Variants in AGK observed in about 807,000 individuals in gnomAD.
AGK encodes acylglycerol kinase, mitochondrial.
AGK carries 52 observed loss-of-function variants against 66.4 expected under a neutral mutation model. The observed-to-expected ratio is 0.78, with a 90% CI of 0.63 to 0.99. The LOEUF (loss-of-function observed/expected upper bound fraction) is 0.99. AGK is among the 50% of genes least tolerant of loss of function. The probability of loss-of-function intolerance (pLI) is 0.00; values close to 1 mark genes in which losing one functional copy is unlikely to be tolerated. For synonymous variants in AGK, 182 were observed against 181.1 expected, an observed-to-expected ratio of 1.00 and a Z score of -0.04; for missense variants, 451 against 506.6, an observed-to-expected ratio of 0.89 and a Z score of 1.05.
chr7:141,572,898 A>C (rs937078079), intron 2 of AGK, among the ~76,000 whole-genome samples: 1 of 152,170 alleles, frequency 6.6e-6, no homozygotes, highest in African/African-American at 2.4e-5. Flanking sequence ...TTATGGTTTC[A>C]ATAATGGTTT....
intron 6 of AGK, among the ~76,000 whole-genome samples, chr7:141,611,660 A>G (rs912110666): frequency 2.6e-5 from 4 of 152,230 alleles, no homozygotes; most frequent in Admixed American, 6.5e-5. Flanking sequence ...TTATAAAATA[A>G]ACAGATATTC....
Position 141,611,240 on chromosome 7 carries a change from A to G in AGK, c.343A>G (p.Asn115Asp). Residue 115 changes from asparagine (N) to aspartate (D), a missense_variant, in exon 6 of 16, where the codon AAC becomes GAC. Physicochemically the swap from Asn to Asp is conservative, Grantham distance 23. Transcript: ENST00000649286. ...QAKKLLELME[N>D]TDVIIVAGGD... ...CAAGAAACTCCTGGAACTGATGGAA[A>G]ACACGGATGTGATCATTGTTGCAGG... 1.2e-6 allele frequency: 2 copies of G among 1,613,636 alleles called. No homozygotes were observed. The highest frequency in any genetic ancestry group is 2.2e-5 in the South Asian group (2 of 91,022).
chr7:141,613,754 A>G (rs1400190972), intron 6 of AGK, among the ~76,000 whole-genome samples: 1 of 152,226 alleles, frequency 6.6e-6, no homozygotes, highest in Non-Finnish European at 1.5e-5. Context: ...CGATTTGTTA[A>G]GTGCACACTC....
chr7:141,588,708 C>T (rs1441318571), intron 2 of AGK, among the ~76,000 whole-genome samples: 1 of 151,936 alleles, frequency 6.6e-6, no homozygotes, highest in African/African-American at 2.4e-5. Context: ...ATTCTTGTTA[C>T]TTCTTGATTA....
At chr7:141,615,783 G>A in intron 8 of AGK, 1 of 533,108 alleles carries the variant, frequency 1.9e-6, no homozygotes, top group Non-Finnish European at 3.4e-6. Flanking sequence ...GTAGGGAGGT[G>A]AATACTTGAT....
chr7:141,593,132 G>A lies in AGK; in HGVS notation c.102-14G>A. The A allele has an allele frequency of 6.2e-7, 1 of 1,608,554 alleles. No individual in the cohort carries two copies. The highest frequency in any genetic ancestry group is 8.5e-7 in the Non-Finnish European group (1 of 1,177,154). ...TTAAAGCTAATGATTATTCTCTTTT[G>A]CTTACTTTGATAGTGATAACCTCCT... On this transcript the variant is annotated splice_polypyrimidine_tract_variant and intron_variant, in intron 2 of 15. Coordinates refer to ENST00000649286, the MANE Select transcript of AGK (RefSeq NM_018238.4).
chr7:141,653,853 G>T lies in AGK; in HGVS notation c.*929G>T, dbSNP rs1298601953. On this transcript the variant is annotated 3_prime_UTR_variant, in exon 16 of 16. Transcript: ENST00000649286. ...TAGTTGACAAAGTATGTATTTGCTG[G>T]TGTCGTGTAAATATTGGTATTTTAA... 3 of 152,114 alleles carry T rather than the reference G, an allele frequency of 2.0e-5. No homozygotes were observed. In the South Asian group the frequency reaches 6.2e-4, roughly 32 times the overall value. The allele number at this position is 152,114 out of a possible 1,614,324, so 9.4% of individuals were successfully genotyped here. A position where few individuals can be genotyped will look rare whatever the true frequency, so the allele number is the denominator to read the frequency against.
At chr7:141,579,011 G>A (rs201945837) in intron 2 of AGK, among the ~76,000 whole-genome samples, 419 of 129,678 alleles carry the variant, frequency 3.2e-3, no homozygotes, top group Admixed American at 4.0e-3. Flanking sequence ...TTTATGAGTA[G>A]TTGAGAATGG....
intron 2 of AGK, among the ~76,000 whole-genome samples, chr7:141,581,259 C>A (rs923105107): frequency 6.6e-6 from 1 of 151,626 alleles, no homozygotes; most frequent in Non-Finnish European, 1.5e-5. Context: ...CAAGTGAAAG[C>A]AAAGAGAGGC....
rs368066785 is a variant in AGK at position 141,555,602 on chromosome 7, C to T, written c.101+35C>T. On this transcript the variant is annotated intron_variant, in intron 2 of 15. Transcript: ENST00000649286. The surrounding 1 kb of genome is among the most constrained non-coding windows in gnomAD (Gnocchi z 4.2). ...TGACAGCCCCATCCCACCTTTGCATCTGCAGCAAAACAGCCCCAAAGGGCC... is the reference window on the plus strand; with the variant it reads ...TGACAGCCCCATCCCACCTTTGCATTTGCAGCAAAACAGCCCCAAAGGGCC... The T allele has an allele frequency of 3.0e-4, 466 of 1,533,522 alleles. 1 individual carries two copies. Among genetic ancestry groups the T allele is most frequent in the Non-Finnish European group, 3.7e-4 (407 of 1,112,008 alleles). 95.0% of individuals were successfully genotyped at this position (1,533,522 alleles called of 1,614,324 possible). A position where few individuals can be genotyped will look rare whatever the true frequency, so the allele number is the denominator to read the frequency against.
At chr7:141,608,293 A>G (rs1796506801) in intron 5 of AGK, among the ~76,000 whole-genome samples, 1 of 152,188 alleles carries the variant, frequency 6.6e-6, no homozygotes, top group Non-Finnish European at 1.5e-5. Context: ...TTTACTGCAG[A>G]TGGTCAAGGA....
At chr7:141,607,462 T>C (rs1208283854) in intron 5 of AGK, among the ~76,000 whole-genome samples, 1 of 152,208 alleles carries the variant, frequency 6.6e-6, no homozygotes, top group Non-Finnish European at 1.5e-5. Context: ...GAGGTGTCTG[T>C]TCAGATCTTT....
At chr7:141,642,625 A>C (rs1404794718) in intron 13 of AGK, among the ~76,000 whole-genome samples, 1 of 152,222 alleles carries the variant, frequency 6.6e-6, no homozygotes, top group Non-Finnish European at 1.5e-5. Flanking sequence ...GGCATTGGCA[A>C]ACTGGTCTGC....
chr7:141,568,865 C>T (rs1795527964), intron 2 of AGK, among the ~76,000 whole-genome samples: 1 of 152,124 alleles, frequency 6.6e-6, no homozygotes, highest in African/African-American at 2.4e-5. Flanking sequence ...CATGAGCCAC[C>T]ACGCCTGGCA....
rs530640103 is a variant in AGK, at chr7:141,653,197, A to G, written c.*273A>G. ...TCAGGCTGGTTCAAGACGGAAAAGG[A>G]CTTTCTTCTGTTTTCTTCCAAAGTG... On this transcript the variant is annotated 3_prime_UTR_variant, in exon 16 of 16. Transcript: ENST00000649286. 66 of 373,312 alleles carry G rather than the reference A, an allele frequency of 1.8e-4. 1 individual carries two copies. The South Asian group carries it at 2.2e-3, about 13-fold the overall frequency. 23.1% of individuals were successfully genotyped at this position (373,312 alleles called of 1,614,324 possible). A position where few individuals can be genotyped will look rare whatever the true frequency, so the allele number is the denominator to read the frequency against.
At chr7:141,611,403 G>T in intron 6 of AGK, 116 bp downstream of exon 6, 2 of 673,542 alleles carry the variant, frequency 3.0e-6, no homozygotes, top group Non-Finnish European at 4.7e-6. Context: ...CATTATTTTA[G>T]GATTGTTGCT....
At chr7:141,642,619 T>C (rs570058162) in intron 13 of AGK, among the ~76,000 whole-genome samples, 9 of 152,294 alleles carry the variant, frequency 5.9e-5, no homozygotes, top group African/African-American at 2.2e-4. Flanking sequence ...AAAGCAGGCA[T>C]TGGCAAACTG....
In AGK at chr7:141,617,761, A is replaced by AT. The variant is rs200810680; in HGVS notation, c.518+2205dup. On this transcript the variant is annotated intron_variant, in intron 8 of 15. Transcript: ENST00000649286. ...TAAAAAGACTTGATGAGTTACAACA[A>AT]TTTTTTTTTAAGGTCAGCCTCTCAA... Among the ~76,000 whole-genome samples the AT allele has an allele frequency of 2.0e-4, 31 of 151,678 alleles. No homozygotes were observed. In the East Asian group the frequency reaches 2.9e-3, roughly 14 times the overall value.
intron 6 of AGK, 69 bp from the exon 7 acceptor site, chr7:141,614,075 TTG>T: frequency 8.6e-7 from 1 of 1,166,476 alleles, no homozygotes; most frequent in Non-Finnish European, 1.2e-6. Flanking sequence ...TCTATGAAAA[TTG>T]AATCCAATTC....
Sources: allele counts gnomAD v4.1 joint callset (sites outside exome capture counted in the v4.1 genomes callset), GRCh38; gene constraint gnomAD v4.1.1; non-coding constraint Gnocchi (gnomAD v3.1); transcripts MANE v1.5; gene names NCBI Gene and HGNC (gene_info 2026-07-23, HGNC 2026-07-21).